Variants in EYS observed in about 807,000 individuals in gnomAD.
EYS encodes the protein protein eyes shut homolog.
A neutral mutation model predicts 282.1 loss-of-function variants in EYS; 250 were observed. That is an observed-to-expected ratio of 0.89 (90% confidence interval 0.80 to 0.98). EYS has a LOEUF of 0.98. Ranked by LOEUF, EYS falls within the 50% of genes least tolerant of loss-of-function variation. EYS has a pLI of 0.00. For synonymous variants in EYS, 1,355 were observed against 1,282.9 expected, an observed-to-expected ratio of 1.06 and a Z score of -1.20; for missense variants, 4,016 against 3,709.0, an observed-to-expected ratio of 1.08 and a Z score of -2.15.
intron 41 of EYS, among the ~76,000 whole-genome samples, chr6:63,734,305 G>A (rs1768855240): frequency 6.6e-6 from 1 of 152,080 alleles, no homozygotes; most frequent in Non-Finnish European, 1.5e-5. Context: ...GTAGAAACAT[G>A]ACAGACCAGT....
chr6:65,241,991 G>A (rs1300954021), intron 12 of EYS, among the ~76,000 whole-genome samples: 3 of 151,982 alleles, frequency 2.0e-5, no homozygotes, highest in African/African-American at 7.2e-5. Context: ...GTGAATTAGA[G>A]AAAATATTGT....
At chr6:65,506,427 T>G (rs1013030353) in intron 2 of EYS, among the ~76,000 whole-genome samples, 1 of 151,068 alleles carries the variant, frequency 6.6e-6, no homozygotes, top group South Asian at 2.1e-4. Flanking sequence ...TTGTATTGAT[T>G]GTCCTGAGGT....
chr6:65,452,095 T>C (rs1324274490), intron 5 of EYS, among the ~76,000 whole-genome samples: 1 of 151,770 alleles, frequency 6.6e-6, no homozygotes, highest in African/African-American at 2.4e-5. Context: ...AGTTAATATA[T>C]GTCATACACT....
At position 65,293,358 on chromosome 6, in the gene EYS, C is replaced by A. The variant is rs9453245; in HGVS notation, c.2023+2505G>T. 8.2e-3 allele frequency among the ~76,000 whole-genome samples: 1,250 copies of A among 151,650 alleles called. 17 individuals carry two copies. The highest frequency in any genetic ancestry group is 0.029 in the African/African-American group (1,185 of 41,400). On this transcript the variant is annotated intron_variant, in intron 12 of 42. Coordinates refer to ENST00000503581, the MANE Select transcript of EYS (RefSeq NM_001142800.2). ...AGGTTATAACCTGAAAAAACACATT[C>A]TTTGAAATTATTTCCAGAGTTAAAA...
chr6:64,958,069 A>AAG (rs1769771239), intron 14 of EYS, among the ~76,000 whole-genome samples: 1 of 152,066 alleles, frequency 6.6e-6, no homozygotes, highest in Non-Finnish European at 1.5e-5. Flanking sequence ...TTTAAGTTTG[A>AAG]ACTGAAAGCA....
At chr6:64,961,049 A>G (rs1033109526) in intron 14 of EYS, among the ~76,000 whole-genome samples, 3 of 152,206 alleles carry the variant, frequency 2.0e-5, no homozygotes, top group East Asian at 1.9e-4. Context: ...TATCCAGTCT[A>G]TCACTGATGG....
intron 5 of EYS, among the ~76,000 whole-genome samples, chr6:65,454,447 G>A (rs1205568778): frequency 1.3e-5 from 2 of 151,680 alleles, no homozygotes; most frequent in Non-Finnish European, 2.9e-5. Context: ...TCTCTCATTT[G>A]TAGGTTGTTT....
chr6:64,977,667 G>GAAA (rs35684989), intron 14 of EYS, among the ~76,000 whole-genome samples: 2 of 121,994 alleles, frequency 1.6e-5, no homozygotes, highest in Non-Finnish European at 3.4e-5. Flanking sequence ...AGCTGTGAAT[G>GAAA]AAAAAAAAAA....
intron 1 of EYS, among the ~76,000 whole-genome samples, chr6:65,698,291 T>C (rs1244667971): frequency 6.6e-6 from 1 of 152,170 alleles, no homozygotes; most frequent in African/African-American, 2.4e-5. Context: ...TGAATATTAA[T>C]AGACAACATG....
chr6:64,171,740 A>T (rs1219883707), intron 31 of EYS, among the ~76,000 whole-genome samples: 1 of 152,118 alleles, frequency 6.6e-6, no homozygotes, highest in African/African-American at 2.4e-5. Context: ...AAAGTTTTAG[A>T]TGGGTTTTAT....
At chr6:64,003,544 C>T (rs189155056) in intron 33 of EYS, among the ~76,000 whole-genome samples, 51 of 152,158 alleles carry the variant, frequency 3.4e-4, no homozygotes, top group Non-Finnish European at 6.6e-4. Context: ...GTCAAAACAT[C>T]CCATATACCC....
intron 13 of EYS, among the ~76,000 whole-genome samples, chr6:65,009,751 G>A (rs1006525032): frequency 4.6e-5 from 7 of 152,120 alleles, no homozygotes; most frequent in Non-Finnish European, 8.8e-5. Flanking sequence ...CTCGCTACCT[G>A]TGGCTACAAG....
chr6:63,955,781 C>T lies in EYS; in HGVS notation c.7055+28602G>A, dbSNP rs187699214. ...CAACCAAACAAGTAATTACGCTGAA[C>T]CCCCTTGGGTGCTCTCTAATAGGAT... On this transcript the variant is annotated intron_variant, in intron 35 of 42. Transcript: ENST00000503581. 2.6e-4 allele frequency among the ~76,000 whole-genome samples: 40 copies of T among 152,220 alleles called. 1 individual carries two copies. The East Asian group carries it at 6.8e-3, about 26-fold the overall frequency.
intron 26 of EYS, among the ~76,000 whole-genome samples, chr6:64,579,714 A>G (rs1765999228): frequency 6.6e-6 from 1 of 152,108 alleles, no homozygotes; most frequent in African/African-American, 2.4e-5. Flanking sequence ...TCATATTCTC[A>G]GTGTAGAACT....
At chr6:64,989,881 T>C (rs1293868608) in intron 14 of EYS, among the ~76,000 whole-genome samples, 1 of 150,084 alleles carries the variant, frequency 6.7e-6, no homozygotes, top group Admixed American at 6.7e-5. Context: ...AGTAGCTGGT[T>C]TCAGCTCAAG....
At position 65,353,457 on chromosome 6, in the gene EYS, C is replaced by G; in HGVS notation, c.1459+1G>C. 6.2e-7 allele frequency: 1 copy of G among 1,612,420 alleles called. No individual in the cohort carries two copies. The highest frequency in any genetic ancestry group is 8.5e-7 in the Non-Finnish European group (1 of 1,178,992). On this transcript the variant is annotated splice_donor_variant, in intron 9 of 42. Transcript: ENST00000503581. LOFTEE classifies it high-confidence loss of function. ...TGAAAAAAATTACATAAATTTGTTA[C>G]CTGCAAATCCCAATTGCCACACATA...
At chr6:65,264,933 AT>A (rs1416836677) in intron 12 of EYS, among the ~76,000 whole-genome samples, 1 of 151,770 alleles carries the variant, frequency 6.6e-6, no homozygotes, top group Admixed American at 6.6e-5. Context: ...TTTTGATATT[AT>A]TTATAAACAA....
At chr6:64,039,051 C>G (rs777245953) in intron 33 of EYS, among the ~76,000 whole-genome samples, 2 of 152,136 alleles carry the variant, frequency 1.3e-5, no homozygotes, top group African/African-American at 4.8e-5. Context: ...ATGATCTGCC[C>G]GCCTTGGGCT....
intron 28 of EYS, among the ~76,000 whole-genome samples, chr6:64,423,001 A>G (rs1306230100): frequency 6.6e-6 from 1 of 152,102 alleles, no homozygotes; most frequent in Non-Finnish European, 1.5e-5. Context: ...CTTTTAGATA[A>G]TTTTGTTTTG....
Sources: allele counts gnomAD v4.1 joint callset (sites outside exome capture counted in the v4.1 genomes callset), GRCh38; gene constraint gnomAD v4.1.1; transcripts MANE v1.5; gene names NCBI Gene and HGNC (gene_info 2026-07-23, HGNC 2026-07-21).